The following ELAPOR2 variants were observed in gnomAD, a reference collection of about 807,000 sequenced individuals.
The protein encoded by ELAPOR2 is endosome/lysosome-associated apoptosis and autophagy regulator family member 2.
A neutral mutation model predicts 120.7 loss-of-function variants in ELAPOR2; 89 were observed. The ratio of observed to expected loss-of-function variants is 0.74; its 90% CI spans 0.62 to 0.88. The LOEUF (loss-of-function observed/expected upper bound fraction) is 0.88, where lower values mean the gene tolerates loss of function less well. Among genes scored for constraint, ELAPOR2 ranks in the 40% least tolerant of loss-of-function variants. ELAPOR2 has a pLI of 0.00. For missense variants in ELAPOR2, 1,134 were observed against 1,251.6 expected, an observed-to-expected ratio of 0.91 and a Z score of 1.42; for synonymous variants, 444 against 444.9, an observed-to-expected ratio of 1.00 and a Z score of 0.03.
chr7:87,025,016 G>A (rs1161768590), intron 1 of ELAPOR2, among the ~76,000 whole-genome samples: 10 of 151,006 alleles, frequency 6.6e-5, no homozygotes, highest in Non-Finnish European at 7.4e-5. Context: ...AGGCTGTCAT[G>A]GATGTAATTT....
intron 2 of ELAPOR2, among the ~76,000 whole-genome samples, chr7:86,963,781 G>A (rs1791803734): frequency 6.6e-6 from 1 of 152,100 alleles, no homozygotes; most frequent in African/African-American, 2.4e-5. Flanking sequence ...TGCACGAGTG[G>A]TTTCACACAC....
At chr7:86,953,889 T>C (rs1791368668) in intron 2 of ELAPOR2, among the ~76,000 whole-genome samples, 1 of 152,158 alleles carries the variant, frequency 6.6e-6, no homozygotes, top group Non-Finnish European at 1.5e-5. Context: ...GAGTGATATT[T>C]AAAAACCCAA....
At chr7:87,009,605 A>G (rs1227159437) in intron 1 of ELAPOR2, among the ~76,000 whole-genome samples, 1 of 152,218 alleles carries the variant, frequency 6.6e-6, no homozygotes, top group Non-Finnish European at 1.5e-5. Context: ...TCAAAAATAA[A>G]ATCAAGTAAG....
At chr7:86,982,935 T>C (rs948636313) in intron 1 of ELAPOR2, among the ~76,000 whole-genome samples, 1 of 152,058 alleles carries the variant, frequency 6.6e-6, no homozygotes, top group Non-Finnish European at 1.5e-5. Flanking sequence ...GCTAAAAACC[T>C]TGAAAAAAGA....
Position 86,945,004 on chromosome 7 carries a change from A to G in ELAPOR2, c.549T>C (p.Arg183=). 3.2e-6 allele frequency: 5 copies of G among 1,550,600 alleles called. No homozygotes were observed. Among genetic ancestry groups the G allele is most frequent in the Non-Finnish European group, 4.4e-6 (5 of 1,146,640 alleles). ...AGATCAAAGACACCGTGCAGTCATCACGATTAGATTCTATGTAGTTTCCAC... is the reference window on the plus strand; with the variant it reads ...AGATCAAAGACACCGTGCAGTCATCGCGATTAGATTCTATGTAGTTTCCAC... ...IPRGNYIESN[R]DDCTVSLIYA... Residue 183 remains arginine (R), a synonymous_variant, in exon 4 of 22, where the codon CGT becomes CGC. Coordinates refer to ENST00000450689, the MANE Select transcript of ELAPOR2 (RefSeq NM_001142749.3).
intron 1 of ELAPOR2, among the ~76,000 whole-genome samples, chr7:87,028,649 T>C (rs1248212689): frequency 3.3e-5 from 5 of 152,190 alleles, no homozygotes; most frequent in Non-Finnish European, 7.3e-5. Flanking sequence ...CCTAACTCCT[T>C]TGTTGTTACC....
intron 1 of ELAPOR2, among the ~76,000 whole-genome samples, chr7:87,044,835 AG>A (rs1794897858): frequency 6.6e-6 from 1 of 150,668 alleles, no homozygotes; most frequent in Non-Finnish European, 1.5e-5. Context: ...ACAAAATGGG[AG>A]AAAATTTTCA....
intron 1 of ELAPOR2, among the ~76,000 whole-genome samples, chr7:87,013,535 C>T (rs1380197802): frequency 6.6e-6 from 1 of 151,970 alleles, no homozygotes; most frequent in Non-Finnish European, 1.5e-5. Context: ...CTAAAAGTTG[C>T]CACATTGAGA....
chr7:86,920,233 A>C (rs893811915), intron 10 of ELAPOR2, among the ~76,000 whole-genome samples: 33 of 152,162 alleles, frequency 2.2e-4, no homozygotes, highest in African/African-American at 7.7e-4. Flanking sequence ...AATATGTACT[A>C]ATCTACATAC....
chr7:86,895,106 C>T (rs922331566), intron 19 of ELAPOR2, among the ~76,000 whole-genome samples: 5 of 152,102 alleles, frequency 3.3e-5, no homozygotes, highest in South Asian at 2.1e-4. Flanking sequence ...TGAAACACAA[C>T]GGGATGGTTA....
At chr7:86,911,930 A>G in intron 15 of ELAPOR2, 142 bp downstream of exon 15, 1 of 840,510 alleles carries the variant, frequency 1.2e-6, no homozygotes, top group Non-Finnish European at 1.9e-6. Flanking sequence ...CTAGGCAGCA[A>G]TAGAGGATCT....
intron 10 of ELAPOR2, chr7:86,919,593 C>G (rs180718013): frequency 4.1e-6 from 1 of 243,352 alleles, no homozygotes; most frequent in African/African-American, 2.3e-5. Flanking sequence ...AACAGATGGT[C>G]TCTATCTACT....
intron 1 of ELAPOR2, among the ~76,000 whole-genome samples, chr7:86,986,536 G>A (rs1473457059): frequency 1.5e-4 from 20 of 135,454 alleles, no homozygotes; most frequent in African/African-American, 6.1e-4. Flanking sequence ...AAAAATCACA[G>A]GCATTCCTAC....
At chr7:86,898,945 A>G (rs948157699) in intron 18 of ELAPOR2, among the ~76,000 whole-genome samples, 1 of 152,160 alleles carries the variant, frequency 6.6e-6, no homozygotes, top group Admixed American at 6.6e-5. Flanking sequence ...CTGAAGTGAA[A>G]AACAAACCAA....
chr7:87,025,898 TG>T (rs1358438063), intron 1 of ELAPOR2, among the ~76,000 whole-genome samples: 8 of 152,112 alleles, frequency 5.3e-5, no homozygotes, highest in Non-Finnish European at 8.8e-5. Flanking sequence ...TATCAAATAG[TG>T]TAGAAATAAA....
At chr7:86,896,420 A>T (rs1788440081) in intron 19 of ELAPOR2, among the ~76,000 whole-genome samples, 1 of 152,096 alleles carries the variant, frequency 6.6e-6, no homozygotes, top group African/African-American at 2.4e-5. Context: ...GGTGAACACA[A>T]CTGCTGCCAA....
rs187501156 is a variant in ELAPOR2 at position 86,982,959 on chromosome 7, G to A, written c.190-17935C>T. On this transcript the variant is annotated intron_variant, in intron 1 of 21. Coordinates refer to ENST00000450689, the MANE Select transcript of ELAPOR2 (RefSeq NM_001142749.3). The stretch of plus-strand genomic sequence containing the variant: ...CTTGAAAAAAGATTAGATGAATGGC[G>A]AACTAGAAAAAACAGTGTAGAGAAG... Among the ~76,000 whole-genome samples, 22 of 152,210 alleles carry A rather than the reference G, an allele frequency of 1.4e-4. No homozygotes were observed. The East Asian group carries it at 1.7e-3, about 12-fold the overall frequency.
At chr7:87,007,461 A>G (rs1312830506) in intron 1 of ELAPOR2, among the ~76,000 whole-genome samples, 1 of 152,210 alleles carries the variant, frequency 6.6e-6, no homozygotes, top group Non-Finnish European at 1.5e-5. Flanking sequence ...ATATGAACAG[A>G]TATGGAATGA....
chr7:86,918,402 A>C, intron 12 of ELAPOR2, 40 bp downstream of exon 12: 2 of 1,182,374 alleles, frequency 1.7e-6, no homozygotes, highest in African/African-American at 1.5e-5. Context: ...GAGAATGCTA[A>C]GCTTAGAAAT....
Sources: gnomAD v4.1 joint callset for allele counts (sites outside exome capture counted in the v4.1 genomes callset) on GRCh38, gnomAD v4.1.1 for gene constraint, MANE v1.5 for transcripts, NCBI Gene and HGNC (gene_info 2026-07-23, HGNC 2026-07-21) for gene names.